Variants in ARMC9 observed in about 807,000 individuals in gnomAD.
The protein encoded by ARMC9 is armadillo repeat containing 9, also known as lisH domain-containing protein ARMC9.
Under a neutral mutation model 107.0 loss-of-function variants are expected in ARMC9, and 94 were observed. The observed-to-expected ratio is 0.88, with a 90% CI of 0.74 to 1.04. ARMC9 has a LOEUF of 1.04. Ranked by LOEUF, ARMC9 falls within the 50% of genes least tolerant of loss-of-function variation. The pLI is 0.00. For synonymous variants in ARMC9, 380 were observed against 396.9 expected (o/e 0.96, Z 0.51); for missense variants, 942 against 1,030.1 (o/e 0.91, Z 1.17).
intron 14 of ARMC9, among the ~76,000 whole-genome samples, chr2:231,276,385 C>T (rs2039754254): frequency 1.3e-5 from 2 of 152,018 alleles, no homozygotes; most frequent in South Asian, 4.1e-4. Flanking sequence ...ATTCTCGTGC[C>T]TCAGCCTCCC....
At chr2:231,260,913 C>T (rs1240011784) in intron 11 of ARMC9, among the ~76,000 whole-genome samples, 4 of 152,148 alleles carry the variant, frequency 2.6e-5, no homozygotes, top group African/African-American at 4.8e-5. Context: ...TGCCCCCACC[C>T]GGCTTTTTGC....
Position 231,256,839 on chromosome 2 carries a change from T to G in ARMC9, c.914+219T>G, listed in dbSNP as rs545884154. Among the ~76,000 whole-genome samples the G allele has an allele frequency of 5.1e-4, 77 of 152,354 alleles. 1 individual carries two copies. In the South Asian group the frequency reaches 9.7e-3, roughly 19 times the overall value. On this transcript the variant is annotated intron_variant, in intron 10 of 24. Transcript: ENST00000611582. ...GTGTGGTTTTTTTGTTTGTTTGTTT[T>G]TTTGAGACAGAGTTTCGCTCTTGTT...
intron 6 of ARMC9, 82 bp downstream of exon 6, chr2:231,222,902 G>A: frequency 1.1e-6 from 1 of 874,740 alleles, no homozygotes; most frequent in Non-Finnish European, 1.8e-6. Context: ...TAGGTTTATT[G>A]AGGTTGCCTC....
chr2:231,261,876 G>A (rs1285135103), intron 11 of ARMC9, among the ~76,000 whole-genome samples: 2 of 151,632 alleles, frequency 1.3e-5, no homozygotes, highest in East Asian at 1.9e-4. Flanking sequence ...AGGCTGGAGT[G>A]CAGTGGCGCG....
intron 7 of ARMC9, among the ~76,000 whole-genome samples, chr2:231,231,199 C>T (rs959398556): frequency 2.2e-4 from 34 of 152,070 alleles, no homozygotes; most frequent in Non-Finnish European, 4.0e-4. Flanking sequence ...GGTCATTGAG[C>T]CTAGCTAATG....
rs572779327 is a variant in ARMC9, at chr2:231,222,827, T to A, written c.597+7T>A. The A allele has an allele frequency of 1.6e-5, 25 of 1,540,452 alleles. No homozygotes were observed. In the Admixed American group the frequency reaches 2.9e-4, roughly 18 times the overall value. On this transcript the variant is annotated splice_region_variant and intron_variant, in intron 6 of 24. Coordinates refer to ENST00000611582, the MANE Select transcript of ARMC9 (RefSeq NM_001352754.2). The stretch of plus-strand genomic sequence containing the variant: ...AAAGCTTTTAACAATATATGTATCC[T>A]TTTGAAGCAAATAGAGACCACCTAT...
chr2:231,291,898 G>A (rs1378382968), intron 18 of ARMC9, among the ~76,000 whole-genome samples: 3 of 151,852 alleles, frequency 2.0e-5, no homozygotes, highest in African/African-American at 7.3e-5. Context: ...GCTGAGCGTG[G>A]TGGTTCACAC....
intron 12 of ARMC9, among the ~76,000 whole-genome samples, chr2:231,264,238 G>A (rs2038645027): frequency 6.6e-6 from 1 of 152,274 alleles, no homozygotes; most frequent in African/African-American, 2.4e-5. Context: ...GAGTGCAGTG[G>A]TGCAATCTCA....
chr2:231,251,149 T>C lies in ARMC9; in HGVS notation c.880-5437T>C, dbSNP rs188596134. Among the ~76,000 whole-genome samples, 24 of 152,116 alleles carry C rather than the reference T, an allele frequency of 1.6e-4. No homozygotes were observed. In the East Asian group the frequency reaches 4.4e-3, roughly 28 times the overall value. The stretch of plus-strand genomic sequence containing the variant: ...ATGTAGAGAGTGAAGAGGCCACTTT[T>C]TTCTTTTCTTTTTCTGTTTCTTTTC... On this transcript the variant is annotated intron_variant, in intron 9 of 24. Transcript: ENST00000611582.
intron 19 of ARMC9, among the ~76,000 whole-genome samples, chr2:231,306,943 G>A (rs571105003): frequency 3.0e-4 from 46 of 152,310 alleles, no homozygotes; most frequent in Middle Eastern, 3.4e-3. Context: ...GCCTTAGCAC[G>A]GATGTGGAGC....
At chr2:231,211,565 G>T (rs1043018862) in intron 3 of ARMC9, among the ~76,000 whole-genome samples, 2 of 151,878 alleles carry the variant, frequency 1.3e-5, no homozygotes, top group Non-Finnish European at 2.9e-5. Flanking sequence ...AGTGAACGTG[G>T]GTGTGCAAGT....
chr2:231,338,279 C>T (rs1034325288), intron 20 of ARMC9, among the ~76,000 whole-genome samples: 2 of 150,708 alleles, frequency 1.3e-5, no homozygotes, highest in African/African-American at 2.5e-5. Context: ...AGTGCAGTGG[C>T]GCAATCTCGG....
At chr2:231,370,588 A>G (rs1455908356) in intron 24 of ARMC9, 1 of 159,822 alleles carries the variant, frequency 6.3e-6, no homozygotes, top group Non-Finnish European at 1.4e-5. Context: ...GGTCAAACAG[A>G]AGCGGGTGTC....
intron 20 of ARMC9, among the ~76,000 whole-genome samples, chr2:231,338,606 C>T (rs2044290571): frequency 7.4e-6 from 1 of 134,712 alleles, no homozygotes; most frequent in Non-Finnish European, 1.5e-5. Flanking sequence ...GTAGAGCAAA[C>T]ATGGCTCACT....
At chr2:231,268,848 G>A (rs958249718) in intron 12 of ARMC9, among the ~76,000 whole-genome samples, 3 of 151,952 alleles carry the variant, frequency 2.0e-5, no homozygotes, top group Non-Finnish European at 2.9e-5. Context: ...GATCGCTTGA[G>A]CCCAGGAGTT....
Position 231,376,340 on chromosome 2 carries a change from A to G in ARMC9, c.*4805A>G, listed in dbSNP as rs1462558840. Among the ~76,000 whole-genome samples the G allele has an allele frequency of 6.6e-6, 1 of 152,236 alleles. No individual in the cohort carries two copies. The highest frequency in any genetic ancestry group is 1.5e-5 in the Non-Finnish European group (1 of 68,042). ...TCTTTCAAAAGCAAATGGGAGAAATATCGCTGAATTCTTTTTCTCAGCATG... is the reference window on the plus strand; with the variant it reads ...TCTTTCAAAAGCAAATGGGAGAAATGTCGCTGAATTCTTTTTCTCAGCATG... On this transcript the variant is annotated 3_prime_UTR_variant, in exon 25 of 25. Coordinates refer to ENST00000611582, the MANE Select transcript of ARMC9 (RefSeq NM_001352754.2).
At chr2:231,369,707 C>T (rs138020793) in intron 23 of ARMC9, among the ~76,000 whole-genome samples, 5,279 of 151,880 alleles carry the variant, frequency 0.035, 112 homozygotes, top group Non-Finnish European at 0.046. Context: ...GGTTCTCCTG[C>T]CTCAGCCTCC....
intron 9 of ARMC9, among the ~76,000 whole-genome samples, chr2:231,253,626 G>A (rs897633448): frequency 3.3e-5 from 5 of 152,214 alleles, no homozygotes; most frequent in Admixed American, 2.0e-4. Flanking sequence ...CTGGGGACCT[G>A]GCTGAAGTGC....
intron 9 of ARMC9, among the ~76,000 whole-genome samples, chr2:231,245,006 A>C (rs531150334): frequency 5.9e-5 from 9 of 152,180 alleles, no homozygotes; most frequent in Non-Finnish European, 1.3e-4. Context: ...TTCTGCCCTC[A>C]CCTAGTTCAC....
Sources: gnomAD v4.1 joint callset for allele counts (sites outside exome capture counted in the v4.1 genomes callset) on GRCh38, gnomAD v4.1.1 for gene constraint, MANE v1.5 for transcripts, NCBI Gene and HGNC (gene_info 2026-07-23, HGNC 2026-07-21) for gene names.